Variants in RSU1 observed in about 807,000 individuals in gnomAD.
The protein encoded by RSU1 is Ras suppressor protein 1, also known as rsu-1.
A neutral mutation model predicts 31.1 loss-of-function variants in RSU1; 26 were observed. The observed-to-expected ratio is 0.84, with a 90% confidence interval of 0.61 to 1.16. RSU1 has a LOEUF of 1.16. Among genes scored for constraint, RSU1 ranks in the 50% most tolerant of loss-of-function variants. The pLI, the probability that RSU1 is intolerant of heterozygous loss-of-function variation, is 0.00. For missense variants in RSU1, 320 were observed against 339.1 expected, an observed-to-expected ratio of 0.94 and a Z score of 0.44; for synonymous variants, 164 against 136.3, an observed-to-expected ratio of 1.20 and a Z score of -1.41.
intron 2 of RSU1, among the ~76,000 whole-genome samples, chr10:16,814,449 A>AG (rs1480273229): frequency 1.0e-4 from 7 of 69,078 alleles, no homozygotes; most frequent in East Asian, 4.7e-4. Flanking sequence ...CCCTGTTTTC[A>AG]GGAAAAAAAA....
intron 8 of RSU1, among the ~76,000 whole-genome samples, chr10:16,665,144 A>T (rs1486353283): frequency 6.6e-6 from 1 of 152,048 alleles, no homozygotes; most frequent in Admixed American, 6.6e-5. Flanking sequence ...GGGTTTCGTC[A>T]TGTTGGCCAG....
At chr10:16,739,749 T>C (rs1009964681) in intron 7 of RSU1, among the ~76,000 whole-genome samples, 1 of 152,112 alleles carries the variant, frequency 6.6e-6, no homozygotes, top group Non-Finnish European at 1.5e-5. Flanking sequence ...GTAGCTGGGA[T>C]CACAGGTGTG....
At chr10:16,792,422 G>A (rs939541728) in intron 2 of RSU1, among the ~76,000 whole-genome samples, 5 of 152,112 alleles carry the variant, frequency 3.3e-5, no homozygotes, top group Admixed American at 1.3e-4. Context: ...TAATAGAGAC[G>A]GGGTTTCATT....
At position 16,593,489 on chromosome 10, in the gene RSU1, C is replaced by T. The variant is rs776190970; in HGVS notation, c.739G>A (p.Gly247Ser). 21 of 1,613,074 alleles carry T rather than the reference C, an allele frequency of 1.3e-5. No homozygotes were observed. The highest frequency in any genetic ancestry group is 5.0e-5 in the Admixed American group (3 of 59,972). The change falls in exon 9 of 9, where the codon GGC becomes AGC. Residue 247 changes from glycine to serine, a missense_variant. Physicochemically the swap from Gly to Ser is moderately conservative, Grantham distance 56. Transcript: ENST00000345264. ...IRSETYKYLY[G>S]RHMQANPEPP... ...TCTGGGTTGGCCTGCATGTGTCTGC[C>T]GTAGAGGCTGCAAAGACAGAGAAAG... is the stretch of plus-strand genomic sequence containing the variant.
chr10:16,795,320 C>G (rs903765762), intron 2 of RSU1, among the ~76,000 whole-genome samples: 10 of 142,870 alleles, frequency 7.0e-5, no homozygotes, highest in Admixed American at 4.3e-4. Context: ...CGCCACTGCA[C>G]CCAAGCCTGG....
chr10:16,680,038 T>C (rs539404583), intron 8 of RSU1, among the ~76,000 whole-genome samples: 1 of 152,114 alleles, frequency 6.6e-6, no homozygotes, highest in East Asian at 1.9e-4. Flanking sequence ...TGCACCACCA[T>C]GCCTGGCTAA....
intron 8 of RSU1, among the ~76,000 whole-genome samples, chr10:16,604,818 T>C (rs1833773802): frequency 6.6e-6 from 1 of 152,134 alleles, no homozygotes; most frequent in African/African-American, 2.4e-5. Context: ...GTGCCGTAAC[T>C]GGTTTACACA....
chr10:16,716,851 CAAAT>C (rs1227150513), intron 7 of RSU1, among the ~76,000 whole-genome samples: 1 of 134,562 alleles, frequency 7.4e-6, no homozygotes, highest in African/African-American at 3.2e-5. Flanking sequence ...AGAGGTCAAA[CAAAT>C]ACAGACTGAT....
At chr10:16,691,486 A>G (rs1588717654) in intron 8 of RSU1, among the ~76,000 whole-genome samples, 1 of 151,694 alleles carries the variant, frequency 6.6e-6, no homozygotes, top group Admixed American at 6.6e-5. Context: ...CAGCTGCTAC[A>G]GGAGAATGAC....
chr10:16,784,073 T>A (rs1332809873), intron 2 of RSU1, among the ~76,000 whole-genome samples: 1 of 148,732 alleles, frequency 6.7e-6, no homozygotes, highest in Admixed American at 6.7e-5. Flanking sequence ...TTGTATTATG[T>A]CCCTCTATGT....
chr10:16,746,926 G>A (rs1836866839), intron 7 of RSU1, among the ~76,000 whole-genome samples: 1 of 152,146 alleles, frequency 6.6e-6, no homozygotes, highest in African/African-American at 2.4e-5. Context: ...GCAGGCTCCG[G>A]AGGATATTTC....
chr10:16,749,031 CT>C (rs1459359111), intron 7 of RSU1, among the ~76,000 whole-genome samples: 23 of 152,122 alleles, frequency 1.5e-4, no homozygotes, highest in Admixed American at 1.2e-3. Flanking sequence ...GTAAGTGACT[CT>C]TACTTTACCG....
chr10:16,628,636 A>G (rs914766929), intron 8 of RSU1, among the ~76,000 whole-genome samples: 1 of 152,230 alleles, frequency 6.6e-6, no homozygotes, highest in Non-Finnish European at 1.5e-5. Context: ...AAGAGACACA[A>G]ATAATTGTTT....
At chr10:16,624,082 G>A (rs932464534) in intron 8 of RSU1, among the ~76,000 whole-genome samples, 4 of 152,100 alleles carry the variant, frequency 2.6e-5, no homozygotes, top group African/African-American at 9.6e-5. Context: ...ATTGTTCTAG[G>A]TACAATTTTA....
rs184644735 is a variant in RSU1 at position 16,784,355 on chromosome 10, T to C, written c.110-2271A>G. Among the ~76,000 whole-genome samples, 5 of 152,310 alleles carry C rather than the reference T, an allele frequency of 3.3e-5. No homozygotes were observed. In the East Asian group the frequency reaches 9.7e-4, roughly 29 times the overall value. On this transcript the variant is annotated intron_variant, in intron 2 of 8. Transcript: ENST00000345264. ...TGTTGATTCTTGATTCATTCATCGGTATTAGTCCATTCTGGCATTGCTATA... is the reference window on the plus strand; with the variant it reads ...TGTTGATTCTTGATTCATTCATCGGCATTAGTCCATTCTGGCATTGCTATA...
At chr10:16,707,955 C>T (rs1357033280) in intron 7 of RSU1, among the ~76,000 whole-genome samples, 1 of 152,114 alleles carries the variant, frequency 6.6e-6, no homozygotes, top group Non-Finnish European at 1.5e-5. Context: ...TTCCCAGCAC[C>T]ATTTACTAAA....
At chr10:16,669,653 C>A (rs1333240853) in intron 8 of RSU1, among the ~76,000 whole-genome samples, 1 of 152,092 alleles carries the variant, frequency 6.6e-6, no homozygotes, top group East Asian at 1.9e-4. Flanking sequence ...TGTTCGGCTC[C>A]CACTTACAAA....
chr10:16,614,956 A>G (rs558791749), intron 8 of RSU1, among the ~76,000 whole-genome samples: 8 of 152,334 alleles, frequency 5.3e-5, no homozygotes, highest in Admixed American at 3.9e-4. Context: ...GACCAAGGAC[A>G]CTATGAAGAA....
intron 8 of RSU1, among the ~76,000 whole-genome samples, chr10:16,606,263 T>C (rs1833802434): frequency 6.6e-6 from 1 of 152,180 alleles, no homozygotes; most frequent in Non-Finnish European, 1.5e-5. Flanking sequence ...TTGAAGATAG[T>C]AATTTATAAG....
Sources: gnomAD v4.1 joint callset for allele counts (sites outside exome capture counted in the v4.1 genomes callset) on GRCh38, gnomAD v4.1.1 for gene constraint, MANE v1.5 for transcripts, NCBI Gene and HGNC (gene_info 2026-07-23, HGNC 2026-07-21) for gene names.